Variants in CPB2 observed in about 807,000 individuals in gnomAD.
The protein encoded by CPB2 is carboxypeptidase B2, also known as carboxypeptidase B-like protein.
A neutral mutation model predicts 57.0 loss-of-function variants in CPB2; 54 were observed. The ratio of observed to expected loss-of-function variants is 0.95; its 90% CI spans 0.76 to 1.19. The LOEUF (loss-of-function observed/expected upper bound fraction) is 1.19, where lower values mean the gene tolerates loss of function less well. Ranked by LOEUF, CPB2 falls within the 50% of genes most tolerant of loss-of-function variation. The pLI, the probability that CPB2 is intolerant of heterozygous loss-of-function variation, is 0.00. For missense variants in CPB2, 426 were observed against 512.0 expected, an observed-to-expected ratio of 0.83 and a Z score of 1.62; for synonymous variants, 189 against 178.1, an observed-to-expected ratio of 1.06 and a Z score of -0.49.
At chr13:46,096,594 A>G (rs17844001) in intron 1 of CPB2, 27,671 of 152,038 alleles carry the variant, frequency 0.18, 3,396 homozygotes, top group Non-Finnish European at 0.28. Flanking sequence ...CCTGGCCAAT[A>G]TGGTGAAATC....
chr13:46,059,363 C>A (rs2044739989), intron 8 of CPB2, among the ~76,000 whole-genome samples: 1 of 152,072 alleles, frequency 6.6e-6, no homozygotes, highest in Non-Finnish European at 1.5e-5. Context: ...TTGTTAAGCA[C>A]CCAATTACTT....
intron 3 of CPB2, 75 bp downstream of exon 3, chr13:46,084,144 A>T: frequency 6.5e-7 from 1 of 1,540,702 alleles, no homozygotes; most frequent in Non-Finnish European, 8.9e-7. Context: ...TCCAGGAAGC[A>T]ATTATACCAT....
chr13:46,091,189 G>T (rs1362118421), intron 1 of CPB2, among the ~76,000 whole-genome samples: 1 of 152,124 alleles, frequency 6.6e-6, no homozygotes, highest in Non-Finnish European at 1.5e-5. Flanking sequence ...GATAATTTTG[G>T]TATAGATATT....
intron 1 of CPB2, among the ~76,000 whole-genome samples, chr13:46,088,937 C>A (rs1325219819): frequency 6.8e-6 from 1 of 147,038 alleles, no homozygotes; most frequent in Admixed American, 6.8e-5. Flanking sequence ...TTGCAAATAT[C>A]TTCTAGCAGT....
chr13:46,102,165 A>G (rs1593925150), intron 1 of CPB2, among the ~76,000 whole-genome samples: 1 of 152,324 alleles, frequency 6.6e-6, no homozygotes, highest in African/African-American at 2.4e-5. Flanking sequence ...ATAATTCAGA[A>G]GCCCTTTATC....
intron 8 of CPB2, among the ~76,000 whole-genome samples, chr13:46,060,858 G>A (rs1314909858): frequency 2.0e-5 from 3 of 152,100 alleles, no homozygotes; most frequent in Admixed American, 6.5e-5. Context: ...CTACTTCATC[G>A]TCTCAGCCTC....
intron 1 of CPB2, among the ~76,000 whole-genome samples, chr13:46,095,945 A>G (rs2045360083): frequency 7.0e-6 from 1 of 142,938 alleles, no homozygotes. Context: ...GCAATGGAGC[A>G]ATCTTGGCTC....
intron 8 of CPB2, among the ~76,000 whole-genome samples, chr13:46,058,701 C>T (rs2404963): frequency 0.79 from 119,790 of 152,126 alleles, 47,517 homozygotes; most frequent in African/African-American, 0.87. Context: ...ATAAACCCCA[C>T]TTTCCTTAAT....
At chr13:46,070,588 C>T (rs781280419) in intron 6 of CPB2, among the ~76,000 whole-genome samples, 13 of 152,028 alleles carry the variant, frequency 8.6e-5, no homozygotes, top group Non-Finnish European at 1.6e-4. Context: ...TAGGAATTAA[C>T]CAATGACCAT....
At chr13:46,102,203 T>C (rs1041823611) in intron 1 of CPB2, among the ~76,000 whole-genome samples, 1 of 152,230 alleles carries the variant, frequency 6.6e-6, no homozygotes, top group Non-Finnish European at 1.5e-5. Context: ...CTCTAATTCC[T>C]AAGTCTTCTT....
Position 46,064,706 on chromosome 13 carries a change from C to T in CPB2, c.738G>A (p.Ala246=), listed in dbSNP as rs1262947456. The stretch of plus-strand genomic sequence containing the variant: ...GGTCTGTTCCGATGCAATGATTGTT[C>T]GCATAGAAAGAACGGTTCTTTCTCC... The part of the protein sequence containing the change: ...RMWRKNRSFY[A]NNHCIGTDLN... Residue 246 remains alanine (A), a synonymous_variant, in exon 8 of 11, where the codon GCG becomes GCA. Transcript: ENST00000181383. 5.0e-6 allele frequency: 8 copies of T among 1,613,918 alleles called. No individual in the cohort carries two copies. The highest frequency in any genetic ancestry group is 1.1e-5 in the South Asian group (1 of 91,060).
At chr13:46,071,167 A>C (rs2044936434) in intron 6 of CPB2, among the ~76,000 whole-genome samples, 1 of 152,164 alleles carries the variant, frequency 6.6e-6, no homozygotes, top group Non-Finnish European at 1.5e-5. Context: ...AGGGAGCAAG[A>C]AATTGAGGGT....
At position 46,082,504 on chromosome 13, in the gene CPB2, G is replaced by A. The variant is rs1284438074; in HGVS notation, c.321C>T (p.Ser107=). 1 of 1,613,712 alleles carries A rather than the reference G, an allele frequency of 6.2e-7. No individual in the cohort carries two copies. The highest frequency in any genetic ancestry group is 1.1e-5 in the South Asian group (1 of 91,036). Residue 107 remains serine (S), a synonymous_variant, in exon 4 of 11, where the codon TCC becomes TCT. Coordinates refer to ENST00000181383, the MANE Select transcript of CPB2 (RefSeq NM_001872.5). ...AGGCTCGGGGGCTGACTGTGTCGTT[G>A]GAAATCTGCTGTTGAATAAGATCTT... ...DVEDLIQQQI[S]NDTVSPRASA...
At chr13:46,099,131 G>A (rs545415594) in intron 1 of CPB2, 1 of 152,260 alleles carries the variant, frequency 6.6e-6, no homozygotes, top group South Asian at 2.1e-4. Flanking sequence ...GATGGTATAA[G>A]ACTAACATAG....
chr13:46,064,336 G>T (rs1199520609), intron 8 of CPB2, among the ~76,000 whole-genome samples: 1 of 151,954 alleles, frequency 6.6e-6, no homozygotes, highest in Non-Finnish European at 1.5e-5. Flanking sequence ...TATTAAAATA[G>T]GATCTTTAAC....
At chr13:46,083,783 C>T (rs573235990) in intron 3 of CPB2, among the ~76,000 whole-genome samples, 2 of 152,316 alleles carry the variant, frequency 1.3e-5, no homozygotes, top group South Asian at 4.1e-4. Context: ...AGAGTCCAAC[C>T]ACCTGTTACA....
chr13:46,068,716 G>A (rs1366862589), intron 6 of CPB2, among the ~76,000 whole-genome samples: 2 of 117,642 alleles, frequency 1.7e-5, no homozygotes, highest in African/African-American at 3.2e-5. Context: ...GACAGGCCCC[G>A]GTGTGTGATG....
At chr13:46,067,547 C>G in intron 6 of CPB2, 130 bp from the exon 7 acceptor site, 1 of 587,766 alleles carries the variant, frequency 1.7e-6, no homozygotes, top group Non-Finnish European at 3.0e-6. Flanking sequence ...AGAAAGAGTG[C>G]TAATTCCTCA....
chr13:46,070,474 G>A (rs1051502672), intron 6 of CPB2, among the ~76,000 whole-genome samples: 1 of 152,070 alleles, frequency 6.6e-6, no homozygotes, highest in African/African-American at 2.4e-5. Flanking sequence ...GCTGGCCTGT[G>A]GTCAATGATT....
Sources: gnomAD v4.1 joint callset for allele counts (sites outside exome capture counted in the v4.1 genomes callset) on GRCh38, gnomAD v4.1.1 for gene constraint, MANE v1.5 for transcripts, NCBI Gene and HGNC (gene_info 2026-07-23, HGNC 2026-07-21) for gene names.